Variants in TIMM50 observed in about 807,000 individuals in gnomAD.
TIMM50 encodes translocase of inner mitochondrial membrane 50.
TIMM50 carries 34 observed loss-of-function variants against 49.6 expected under a neutral mutation model. That is an observed-to-expected ratio of 0.69 (90% confidence interval 0.52 to 0.91). The LOEUF is 0.91. TIMM50 is among the 40% of genes least tolerant of loss of function. The pLI is 0.00. For synonymous variants in TIMM50, 199 were observed against 198.4 expected (o/e 1.00, Z -0.03); for missense variants, 458 against 477.8 (o/e 0.96, Z 0.39).
Position 39,492,454 on chromosome 19 carries a change from G to T in TIMM50, c.*2634G>T, listed in dbSNP as rs574310609. On this transcript the variant is annotated 3_prime_UTR_variant, in exon 11 of 11. Coordinates refer to ENST00000607714, the MANE Select transcript of TIMM50 (RefSeq NM_001001563.5). The stretch of plus-strand genomic sequence containing the variant: ...CTCAGTTTCCTCATCTCTAAAATGG[G>T]GTGATGGTAGTATGTTAGCAGAGTG... The T allele has an allele frequency of 4.6e-5, 7 of 152,310 alleles. No individual in the cohort carries two copies. In the East Asian group the frequency reaches 1.2e-3, roughly 25 times the overall value. 9.4% of individuals were successfully genotyped at this position (152,310 alleles called of 1,614,324 possible).
intron 8 of TIMM50, among the ~76,000 whole-genome samples, chr19:39,487,415 G>A (rs996598321): frequency 3.3e-5 from 5 of 151,960 alleles, no homozygotes; most frequent in Admixed American, 2.6e-4. Flanking sequence ...TGGGCCTATA[G>A]GCACACACCA....
At position 39,488,173 on chromosome 19, in the gene TIMM50, A is replaced by C. The variant is rs200992676; in HGVS notation, c.809A>C (p.Asn270Thr). 6.2e-7 allele frequency: 1 copy of C among 1,613,752 alleles called. No individual in the cohort carries two copies. The highest frequency in any genetic ancestry group is 8.5e-7 in the Non-Finnish European group (1 of 1,179,838). Residue 270 changes from asparagine (N) to threonine (T), a missense_variant, in exon 9 of 11, where the codon AAC becomes ACC. Physicochemically the swap from Asn to Thr is moderately conservative, Grantham distance 65 (BLOSUM62 0). Coordinates refer to ENST00000607714, the MANE Select transcript of TIMM50 (RefSeq NM_001001563.5). ...NGVALRPWDG[N>T]SDDRVLLDLS... ...GTTGCCCTGCGGCCCTGGGACGGCA[A>C]CTCTGATGACCGGGTCTTGTTGGAT...
rs773052694 is a variant in TIMM50, at chr19:39,480,909, C to G, written c.56C>G (p.Ser19Trp). The change falls in exon 1 of 11, where the codon TCG (serine) becomes TGG (tryptophan). Residue 19 changes from serine to tryptophan, a missense_variant. Physicochemically the swap from Ser to Trp is radical, Grantham distance 177 (BLOSUM62 -3). Transcript: ENST00000607714. ...TTGCGAAGCGGGCTCCGGCTCGGCT[C>G]GCGGGGACTGTGCACGAGGTTGGCG... is the stretch of plus-strand genomic sequence containing the variant. ...SRLRSGLRLG[S>W]RGLCTRLATP... The G allele has an allele frequency of 6.3e-7, 1 of 1,590,562 alleles. No homozygotes were observed. The highest frequency in any genetic ancestry group is 8.5e-7 in the Non-Finnish European group (1 of 1,174,902).
chr19:39,486,387 C>G lies in TIMM50; in HGVS notation c.598-10C>G, dbSNP rs2079506629. 6.2e-7 allele frequency: 1 copy of G among 1,614,074 alleles called. No homozygotes were observed. Among genetic ancestry groups the G allele is most frequent in the Non-Finnish European group, 8.5e-7 (1 of 1,179,930 alleles). ...AGCCTGACCTTTTCTCGCTCCCTTC[C>G]CACCCCCAGACTGCGTTTCCACTCA... On this transcript the variant is annotated splice_polypyrimidine_tract_variant and intron_variant, in intron 7 of 10. Transcript: ENST00000607714.
chr19:39,488,244 C>T (rs1309527146), intron 9 of TIMM50, 27 bp downstream of exon 9: 1 of 1,591,632 alleles, frequency 6.3e-7, no homozygotes, highest in South Asian at 1.1e-5. Flanking sequence ...ATCCCTTGGC[C>T]TCTGACCCCA....
intron 2 of TIMM50, 56 bp downstream of exon 2, chr19:39,482,089 T>C: frequency 6.3e-7 from 1 of 1,586,952 alleles, no homozygotes; most frequent in Non-Finnish European, 8.6e-7. Flanking sequence ...TGGTCCACTG[T>C]GGAACCTCCC....
intron 1 of TIMM50, among the ~76,000 whole-genome samples, 154 bp from the exon 2 acceptor site, chr19:39,481,729 C>T (rs1037000509): frequency 1.3e-5 from 2 of 152,274 alleles, no homozygotes; most frequent in Non-Finnish European, 1.5e-5. Context: ...TCTGAGCAGC[C>T]CCACATCCTG....
intron 10 of TIMM50, among the ~76,000 whole-genome samples, chr19:39,489,368 C>A (rs2079529031): frequency 1.3e-5 from 2 of 152,014 alleles, no homozygotes; most frequent in South Asian, 4.1e-4. Context: ...GGGGAGGGGT[C>A]CCTGGGATCT....
intron 4 of TIMM50, among the ~76,000 whole-genome samples, chr19:39,483,737 G>A (rs1242413019): frequency 6.6e-6 from 1 of 152,212 alleles, no homozygotes; most frequent in East Asian, 1.9e-4. Flanking sequence ...CTGGGCAGTT[G>A]TAGAATCATG....
At chr19:39,482,832 G>A in intron 2 of TIMM50, 53 bp from the exon 3 acceptor site, 1 of 1,612,786 alleles carries the variant, frequency 6.2e-7, no homozygotes, top group South Asian at 1.1e-5. Flanking sequence ...CCTCCCTCGG[G>A]ACCCAGGGGA....
At chr19:39,484,286 C>T (rs1183500547) in intron 4 of TIMM50, among the ~76,000 whole-genome samples, 1 of 152,074 alleles carries the variant, frequency 6.6e-6, no homozygotes, top group Admixed American at 6.6e-5. Flanking sequence ...TGCCTGTGGT[C>T]CCAGCTACTC....
At chr19:39,485,906 A>G in intron 6 of TIMM50, 99 bp downstream of exon 6, 3 of 1,522,664 alleles carry the variant, frequency 2.0e-6, no homozygotes, top group Non-Finnish European at 2.7e-6. Context: ...GATCTTGGGG[A>G]GGAGATGTCA....
rs1268605034 is a variant in TIMM50, at chr19:39,485,605, G to A, written c.372+3G>A. On this transcript the variant is annotated splice_donor_region_variant and intron_variant, in intron 5 of 10. Coordinates refer to ENST00000607714, the MANE Select transcript of TIMM50 (RefSeq NM_001001563.5). ...AATATTTCAAAGATTATAGACAGGT[G>A]AGCAGAAGCCCTGGGCTCAGTCCCC... 2 of 1,613,996 alleles carry A rather than the reference G, an allele frequency of 1.2e-6. No homozygotes were observed. The highest frequency in any genetic ancestry group is 2.7e-5 in the African/African-American group (2 of 74,888).
At position 39,480,892 on chromosome 19, in the gene TIMM50, C is replaced by A; in HGVS notation, c.39C>A (p.Ser13Arg). 6.3e-7 allele frequency: 1 copy of A among 1,598,408 alleles called. No individual in the cohort carries two copies. The highest frequency in any genetic ancestry group is 8.5e-7 in the Non-Finnish European group (1 of 1,176,554). The change falls in exon 1 of 11, where the codon AGC becomes AGA. Residue 13 changes from serine to arginine, a missense_variant. By Grantham distance (110) the Ser-to-Arg change is moderately radical (BLOSUM62 -1). Coordinates refer to ENST00000607714, the MANE Select transcript of TIMM50 (RefSeq NM_001001563.5). ...ASAAVFSRLR[S>R]GLRLGSRGLC... is the part of the protein sequence containing the mutation. ...CAGCGGTGTTCTCGCGCTTGCGAAG[C>A]GGGCTCCGGCTCGGCTCGCGGGGAC...
At chr19:39,481,095 C>G in intron 1 of TIMM50, 134 bp downstream of exon 1, 3 of 1,198,846 alleles carry the variant, frequency 2.5e-6, no homozygotes, top group Admixed American at 3.1e-5. Context: ...TTTTGGGGCC[C>G]TTCCCAACCT....
At position 39,485,825 on chromosome 19, in the gene TIMM50, C is replaced by T. The variant is rs1232401762; in HGVS notation, c.492+18C>T. The stretch of plus-strand genomic sequence containing the variant: ...AGTGGTCGGTGTGTCCCGGGAAACC[C>T]AGTGGGTTGGGGATAGACCTGGGCA... On this transcript the variant is annotated intron_variant, in intron 6 of 10. Coordinates refer to ENST00000607714, the MANE Select transcript of TIMM50 (RefSeq NM_001001563.5). The T allele has an allele frequency of 1.2e-6, 2 of 1,613,774 alleles. No homozygotes were observed. Among genetic ancestry groups the T allele is most frequent in the East Asian group, 4.5e-5 (2 of 44,882 alleles).
At chr19:39,483,792 A>C (rs2079487721) in intron 4 of TIMM50, among the ~76,000 whole-genome samples, 1 of 152,214 alleles carries the variant, frequency 6.6e-6, no homozygotes, top group Admixed American at 6.5e-5. Context: ...GGGCAGGTAC[A>C]TCTGCAGTTT....
At chr19:39,484,038 G>C (rs1336634269) in intron 4 of TIMM50, among the ~76,000 whole-genome samples, 1 of 151,792 alleles carries the variant, frequency 6.6e-6, no homozygotes, top group African/African-American at 2.4e-5. Context: ...AGTTTTAGTA[G>C]AGACAGGGTT....
intron 2 of TIMM50, 38 bp downstream of exon 2, chr19:39,482,071 G>T: frequency 6.2e-7 from 1 of 1,600,222 alleles, no homozygotes. Flanking sequence ...TTTGTTCCTT[G>T]GCCTCCCTGG....
Sources: gnomAD v4.1 joint callset for allele counts (sites outside exome capture counted in the v4.1 genomes callset) on GRCh38, gnomAD v4.1.1 for gene constraint, MANE v1.5 for transcripts, NCBI Gene and HGNC (gene_info 2026-07-23, HGNC 2026-07-21) for gene names.